Variants in HEPHL1 observed in about 807,000 individuals in gnomAD.
HEPHL1 encodes ferroxidase HEPHL1.
HEPHL1 carries 123 observed loss-of-function variants against 122.0 expected under a neutral mutation model. That is an observed-to-expected ratio of 1.01 (90% CI 0.87 to 1.17). HEPHL1 has a LOEUF of 1.17. HEPHL1 is among the 50% of genes most tolerant of loss of function. HEPHL1 has a pLI of 0.00. For missense variants in HEPHL1, 1,452 were observed against 1,430.5 expected (o/e 1.01, Z -0.24); for synonymous variants, 527 against 508.9 (o/e 1.04, Z -0.48).
At chr11:94,037,476 A>T (rs1208217676) in intron 1 of HEPHL1, among the ~76,000 whole-genome samples, 2 of 152,142 alleles carry the variant, frequency 1.3e-5, no homozygotes, top group Non-Finnish European at 2.9e-5. Context: ...CCTGTCTGAC[A>T]GCTTTGAAGA....
intron 2 of HEPHL1, among the ~76,000 whole-genome samples, chr11:94,047,312 T>G (rs1359817916): frequency 6.6e-6 from 1 of 152,182 alleles, no homozygotes; most frequent in Non-Finnish European, 1.5e-5. Flanking sequence ...ACCCAGGAAT[T>G]AAGCCTAGTC....
chr11:94,063,591 C>T lies in HEPHL1; in HGVS notation c.499C>T (p.Pro167Ser), dbSNP rs1946005478. 6.2e-7 allele frequency: 1 copy of T among 1,613,628 alleles called. No individual in the cohort carries two copies. The highest frequency in any genetic ancestry group is 1.3e-5 in the African/African-American group (1 of 74,888). ...PPGKNYTYVW[P>S]VREEYAPTPA... ...TGGGAAAAACTACACCTACGTCTGG[C>T]CGGTGAGAGAAGAATATGCACCTAC... Residue 167 changes from proline (P) to serine (S), a missense_variant, in exon 3 of 20, where the codon CCG becomes TCG. Transcript: ENST00000315765.
At chr11:94,076,185 G>A (rs1946121757) in intron 9 of HEPHL1, among the ~76,000 whole-genome samples, 1 of 152,068 alleles carries the variant, frequency 6.6e-6, no homozygotes, top group African/African-American at 2.4e-5. Context: ...CTACATGAAG[G>A]AACAATCCCG....
In HEPHL1 at chr11:94,091,766, G is replaced by A. The variant is rs531881693; in HGVS notation, c.2295-1735G>A. ...TCTGGGAGGAAGTAGTCTTTGAGTT[G>A]GGACATGAAGAGTAGTCCACTTGAA... On this transcript the variant is annotated intron_variant, in intron 12 of 19. Coordinates refer to ENST00000315765, the MANE Select transcript of HEPHL1 (RefSeq NM_001098672.2). 2.4e-4 allele frequency among the ~76,000 whole-genome samples: 36 copies of A among 152,256 alleles called. 1 individual carries two copies. The South Asian group carries it at 7.5e-3, about 32-fold the overall frequency.
intron 2 of HEPHL1, among the ~76,000 whole-genome samples, chr11:94,053,757 T>A (rs772043214): frequency 2.2e-4 from 34 of 152,222 alleles, no homozygotes; most frequent in Non-Finnish European, 4.4e-4. Context: ...AATATTTAGA[T>A]GATTTCAAAG....
At chr11:94,053,934 G>A (rs1411814272) in intron 2 of HEPHL1, among the ~76,000 whole-genome samples, 1 of 152,052 alleles carries the variant, frequency 6.6e-6, no homozygotes, top group African/African-American at 2.4e-5. Flanking sequence ...ACAGTTATTG[G>A]GTGCAATGTT....
chr11:94,092,348 A>G (rs2134445395), intron 12 of HEPHL1, among the ~76,000 whole-genome samples: 1 of 152,300 alleles, frequency 6.6e-6, no homozygotes, highest in South Asian at 2.1e-4. Context: ...ACTTGCTAAA[A>G]TTTATTTTTA....
intron 17 of HEPHL1, among the ~76,000 whole-genome samples, chr11:94,107,962 C>G (rs763589239): frequency 2.0e-5 from 3 of 152,094 alleles, no homozygotes; most frequent in Admixed American, 6.5e-5. Context: ...AAGAAACCAC[C>G]AAACTGTTTT....
intron 2 of HEPHL1, chr11:94,055,510 C>T (rs1240423473): frequency 1.3e-5 from 3 of 237,570 alleles, no homozygotes; most frequent in African/African-American, 6.8e-5. Flanking sequence ...CTGCTTGCTC[C>T]GTAAGGTCGT....
At chr11:94,032,228 TG>T (rs1341432794) in intron 1 of HEPHL1, among the ~76,000 whole-genome samples, 1 of 152,206 alleles carries the variant, frequency 6.6e-6, no homozygotes, top group Non-Finnish European at 1.5e-5. Context: ...CCTTTAGATC[TG>T]AGACCCAGCT....
Position 94,067,545 on chromosome 11 carries a change from T to A in HEPHL1, c.858T>A (p.Val286=). The A allele has an allele frequency of 6.2e-7, 1 of 1,613,676 alleles. No individual in the cohort carries two copies. Among genetic ancestry groups the A allele is most frequent in the Non-Finnish European group, 8.5e-7 (1 of 1,179,674 alleles). The change falls in exon 5 of 20, where the codon GTT becomes GTA. Residue 286 remains valine, a synonymous_variant. Coordinates refer to ENST00000315765, the MANE Select transcript of HEPHL1 (RefSeq NM_001098672.2). ...ACTTCCCGGAGCCTGATATGTGTGT[T>A]GGAGAATCTGTGTCCTGGCACCTAT... is the stretch of plus-strand genomic sequence containing the variant. The part of the protein sequence containing the change: ...FGNFPEPDMC[V]GESVSWHLFG...
chr11:94,056,865 C>A (rs1317829772), intron 2 of HEPHL1, among the ~76,000 whole-genome samples: 1 of 152,042 alleles, frequency 6.6e-6, no homozygotes, highest in African/African-American at 2.4e-5. Flanking sequence ...TTCATTTCTT[C>A]CTGTGAATTC....
intron 1 of HEPHL1, among the ~76,000 whole-genome samples, chr11:94,027,032 C>T (rs1238314662): frequency 6.6e-6 from 1 of 152,172 alleles, no homozygotes; most frequent in Admixed American, 6.5e-5. Context: ...CATGTGTTGT[C>T]AGGGCCACAA....
intron 1 of HEPHL1, among the ~76,000 whole-genome samples, chr11:94,036,139 T>C (rs541516317): frequency 6.6e-6 from 1 of 152,346 alleles, no homozygotes; most frequent in Admixed American, 6.5e-5. Context: ...TTCATTAGGG[T>C]GACACAGTCA....
intron 12 of HEPHL1, among the ~76,000 whole-genome samples, chr11:94,090,468 C>G (rs995999075): frequency 6.6e-6 from 1 of 152,146 alleles, no homozygotes; most frequent in Non-Finnish European, 1.5e-5. Flanking sequence ...TAGCTTCAGT[C>G]TTCTGAGACT....
At chr11:94,098,797 G>C (rs1946341733) in intron 13 of HEPHL1, among the ~76,000 whole-genome samples, 1 of 152,056 alleles carries the variant, frequency 6.6e-6, no homozygotes, top group African/African-American at 2.4e-5. Flanking sequence ...TCTTCCAGTT[G>C]ATCGAATCGG....
At chr11:94,055,434 T>G (rs1945928684) in intron 2 of HEPHL1, 1 of 233,376 alleles carries the variant, frequency 4.3e-6, no homozygotes, top group East Asian at 1.3e-4. Context: ...CAGTTCTCCA[T>G]CATCAAAGTA....
Position 94,111,712 on chromosome 11 carries a change from C to T in HEPHL1, c.3298C>T (p.Leu1100Phe). 6.2e-7 allele frequency: 1 copy of T among 1,609,316 alleles called. No homozygotes were observed. ...PSNERPGKEQ[L>F]YFFGKNLGPT... The stretch of plus-strand genomic sequence containing the variant: ...CACAGAACGACCTGGCAAAGAGCAG[C>T]TCTATTTCTTTGGCAAGAATCTGGG... The change falls in exon 20 of 20, where the codon CTC becomes TTC. Residue 1100 changes from leucine to phenylalanine, a missense_variant. Leu to Phe is a conservative substitution (Grantham distance 22). Transcript: ENST00000315765.
At chr11:94,084,692 A>T (rs1946201274) in intron 10 of HEPHL1, among the ~76,000 whole-genome samples, 2 of 152,214 alleles carry the variant, frequency 1.3e-5, no homozygotes, top group South Asian at 4.1e-4. Flanking sequence ...CCAAGGACTG[A>T]ATTTATTAGC....
Sources: allele counts gnomAD v4.1 joint callset (sites outside exome capture counted in the v4.1 genomes callset), GRCh38; gene constraint gnomAD v4.1.1; transcripts MANE v1.5; gene names NCBI Gene and HGNC (gene_info 2026-07-23, HGNC 2026-07-21).